Variants in WDPCP observed in about 807,000 individuals in gnomAD.
The protein encoded by WDPCP is WD repeat-containing and planar cell polarity effector protein fritz homolog.
WDPCP carries 71 observed loss-of-function variants against 93.1 expected under a neutral mutation model. The observed-to-expected ratio is 0.76, with a 90% CI of 0.63 to 0.93. The LOEUF is 0.93. Among genes scored for constraint, WDPCP ranks in the 40% least tolerant of loss-of-function variants. WDPCP has a pLI of 0.00. For synonymous variants in WDPCP, 315 were observed against 315.0 expected (o/e 1.00, Z 0.00); for missense variants, 844 against 887.4 (o/e 0.95, Z 0.62).
chr2:63,212,448 A>G (rs552746232), intron 14 of WDPCP, among the ~76,000 whole-genome samples: 12 of 152,320 alleles, frequency 7.9e-5, no homozygotes, highest in African/African-American at 2.4e-4. Context: ...GGCCTGCCTT[A>G]CAAGAGCTCC....
At chr2:63,543,361 A>G (rs1167755315) in intron 1 of WDPCP, among the ~76,000 whole-genome samples, 11 of 152,190 alleles carry the variant, frequency 7.2e-5, no homozygotes, top group Admixed American at 5.9e-4. Context: ...CTTTGAAATG[A>G]TAAGACAGCC....
At chr2:63,210,004 C>T (rs1048641672) in intron 14 of WDPCP, among the ~76,000 whole-genome samples, 3 of 152,052 alleles carry the variant, frequency 2.0e-5, no homozygotes, top group Non-Finnish European at 2.9e-5. Context: ...TGGCATTATA[C>T]AGATCTCTTA....
At chr2:63,527,613 C>T (rs1703449750) in intron 1 of WDPCP, among the ~76,000 whole-genome samples, 1 of 151,996 alleles carries the variant, frequency 6.6e-6, no homozygotes, top group Non-Finnish European at 1.5e-5. Context: ...TTAATCCAGT[C>T]TATCATTGAT....
At chr2:63,479,271 T>C (rs139190187) in intron 6 of WDPCP, among the ~76,000 whole-genome samples, 2 of 152,190 alleles carry the variant, frequency 1.3e-5, no homozygotes, top group African/African-American at 4.8e-5. Flanking sequence ...CAAAGAAGAA[T>C]TGGTATCAAT....
At chr2:63,346,711 C>T (rs116384437) in intron 12 of WDPCP, among the ~76,000 whole-genome samples, 2,273 of 152,254 alleles carry the variant, frequency 0.015, 62 homozygotes, top group African/African-American at 0.052. Flanking sequence ...TCTTTCTCCA[C>T]AAAGCACCTG....
chr2:63,155,736 T>TCAA (rs1431283883), intron 15 of WDPCP, among the ~76,000 whole-genome samples: 2 of 152,250 alleles, frequency 1.3e-5, no homozygotes, highest in African/African-American at 4.8e-5. Flanking sequence ...AAAATGTTTG[T>TCAA]CAACCCCTGC....
intron 2 of WDPCP, among the ~76,000 whole-genome samples, chr2:63,677,438 A>G (rs1710436875): frequency 6.6e-6 from 1 of 152,208 alleles, no homozygotes; most frequent in South Asian, 2.1e-4. Context: ...TAGTTAAAAT[A>G]GCTATACAAA....
At chr2:63,685,833 T>C (rs766696134) in intron 2 of WDPCP, among the ~76,000 whole-genome samples, 1 of 152,098 alleles carries the variant, frequency 6.6e-6, no homozygotes, top group Non-Finnish European at 1.5e-5. Flanking sequence ...ACATATTACA[T>C]CAAGAGAATG....
chr2:63,651,415 G>A (rs1413185777), intron 2 of WDPCP, among the ~76,000 whole-genome samples: 3 of 151,758 alleles, frequency 2.0e-5, no homozygotes, highest in African/African-American at 7.3e-5. Context: ...TTCAATTAGG[G>A]TTTTCCAGAG....
intron 14 of WDPCP, among the ~76,000 whole-genome samples, chr2:63,204,190 T>G (rs1447368287): frequency 6.6e-6 from 1 of 152,214 alleles, no homozygotes; most frequent in Non-Finnish European, 1.5e-5. Flanking sequence ...TTTTCCCTTT[T>G]CTCCACATCC....
chr2:63,445,238 C>A (rs932422057), intron 6 of WDPCP, among the ~76,000 whole-genome samples: 1 of 151,764 alleles, frequency 6.6e-6, no homozygotes, highest in Non-Finnish European at 1.5e-5. Context: ...TGATTTACTA[C>A]AGAGAACTGA....
chr2:63,721,619 T>C, intron 2 of WDPCP, among the ~76,000 whole-genome samples: 1 of 152,330 alleles, frequency 6.6e-6, no homozygotes, highest in East Asian at 1.9e-4. Flanking sequence ...CTTTCCATTT[T>C]TTGGCCTTGC....
chr2:63,483,462 T>TAA (rs3051718), intron 6 of WDPCP, among the ~76,000 whole-genome samples: 123,304 of 151,680 alleles, frequency 0.81, 50,919 homozygotes, highest in East Asian at 0.99. Flanking sequence ...CTCTGAAAAA[T>TAA]AAGTTTATGC....
chr2:63,399,391 A>G (rs139864624), intron 10 of WDPCP, among the ~76,000 whole-genome samples: 1 of 152,220 alleles, frequency 6.6e-6, no homozygotes, highest in East Asian at 1.9e-4. Flanking sequence ...CTAAATCCCT[A>G]CACTGAGAGC....
At chr2:63,802,281 TAAAAAAAAAA>T (rs58717654) in intron 2 of WDPCP, among the ~76,000 whole-genome samples, 257 of 54,334 alleles carry the variant, frequency 4.7e-3, no homozygotes, top group African/African-American at 0.016. Context: ...CCCTCTCTCT[TAAAAAAAAAA>T]AAAAAAAAAA....
intron 13 of WDPCP, among the ~76,000 whole-genome samples, chr2:63,280,279 T>A (rs1205675906): frequency 6.6e-6 from 1 of 152,174 alleles, no homozygotes; most frequent in African/African-American, 2.4e-5. Context: ...GAAAGGCACT[T>A]CTTACATGGC....
At chr2:63,286,527 C>T (rs1344049600) in intron 13 of WDPCP, among the ~76,000 whole-genome samples, 1 of 152,210 alleles carries the variant, frequency 6.6e-6, no homozygotes. Context: ...TATCCCAAAA[C>T]CTGTAAGAAC....
intron 2 of WDPCP, among the ~76,000 whole-genome samples, chr2:63,727,103 T>C (rs11695421): frequency 0.18 from 27,314 of 152,176 alleles, 2,629 homozygotes; most frequent in Middle Eastern, 0.22. Flanking sequence ...GTGGTGAGAA[T>C]GGGCATCCTT....
chr2:63,240,945 T>C (rs923346687), intron 14 of WDPCP, among the ~76,000 whole-genome samples: 2 of 152,208 alleles, frequency 1.3e-5, no homozygotes, highest in Admixed American at 1.3e-4. Flanking sequence ...TAATCTAGTA[T>C]TTCAGAATTC....
Sources: gnomAD v4.1 joint callset for allele counts (sites outside exome capture counted in the v4.1 genomes callset) on GRCh38, gnomAD v4.1.1 for gene constraint, MANE v1.5 for transcripts, NCBI Gene and HGNC (gene_info 2026-07-23, HGNC 2026-07-21) for gene names.